The following ATRX variants were observed in gnomAD, a reference collection of about 807,000 sequenced individuals.
ATRX encodes the protein chromatin remodeler ATRX.
A neutral mutation model predicts 172.6 loss-of-function variants in ATRX; 12 were observed. The observed-to-expected ratio is 0.07, with a 90% CI of 0.04 to 0.11. ATRX has a LOEUF of 0.11. ATRX is among the 10% of genes least tolerant of loss of function. The probability of loss-of-function intolerance (pLI) is 1.00; values close to 1 mark genes in which losing one functional copy is unlikely to be tolerated. For synonymous variants in ATRX, 674 were observed against 594.7 expected, an observed-to-expected ratio of 1.13 and a Z score of -1.94; for missense variants, 1,368 against 1,767.4, an observed-to-expected ratio of 0.77 and a Z score of 4.05.
chrX:77,543,096 G>T (rs2064077644), intron 30 of ATRX, among the ~76,000 whole-genome samples: 1 of 111,442 alleles, frequency 9.0e-6, no homozygotes, highest in African/African-American at 3.3e-5. Context: ...AATCTACAAA[G>T]AATTTAAACA....
chrX:77,640,925 A>G (rs1166660423), intron 15 of ATRX, among the ~76,000 whole-genome samples: 3 of 111,583 alleles, frequency 2.7e-5, no homozygotes, highest in Non-Finnish European at 5.6e-5. Context: ...ATGACCAAGA[A>G]GCTGTGAGCT....
At chrX:77,625,825 T>A (rs1334893625) in intron 19 of ATRX, among the ~76,000 whole-genome samples, 1 of 108,745 alleles carries the variant, frequency 9.2e-6, no homozygotes, top group Non-Finnish European at 1.9e-5. Flanking sequence ...TGGAAAACAG[T>A]GTGGAGATTC....
At chrX:77,517,225 C>T (rs1010996139) in intron 34 of ATRX, among the ~76,000 whole-genome samples, 28 of 110,036 alleles carry the variant, frequency 2.5e-4, no homozygotes, top group Non-Finnish European at 5.1e-4. Context: ...AAGATCAGCA[C>T]AGAAATAAAT....
At chrX:77,678,513 G>C (rs1331181967) in intron 9 of ATRX, among the ~76,000 whole-genome samples, 2 of 112,118 alleles carry the variant, frequency 1.8e-5, no homozygotes, top group African/African-American at 6.5e-5. Context: ...TTGAGACGGA[G>C]TCTCGCTCTG....
At chrX:77,535,498 G>A (rs2063718837) in intron 30 of ATRX, among the ~76,000 whole-genome samples, 1 of 111,732 alleles carries the variant, frequency 8.9e-6, no homozygotes, top group South Asian at 3.7e-4. Context: ...GCCACTGTGA[G>A]GTAGAAAGTC....
At chrX:77,664,160 C>A (rs1355944182) in intron 11 of ATRX, among the ~76,000 whole-genome samples, 1 of 111,409 alleles carries the variant, frequency 9.0e-6, no homozygotes, top group Non-Finnish European at 1.9e-5. Flanking sequence ...AGAGTAACTT[C>A]CATAATTATT....
intron 34 of ATRX, among the ~76,000 whole-genome samples, chrX:77,510,823 G>T (rs1014416865): frequency 8.9e-6 from 1 of 112,569 alleles, no homozygotes; most frequent in African/African-American, 3.2e-5. Flanking sequence ...CCAGGCCCTG[G>T]ATCTTAGATA....
intron 2 of ATRX, among the ~76,000 whole-genome samples, chrX:77,700,906 C>G (rs1313405238): frequency 8.9e-6 from 1 of 112,556 alleles, no homozygotes; most frequent in African/African-American, 3.2e-5. Context: ...GAAACAGGCA[C>G]AGCACAGGAA....
At position 77,579,015 on chromosome X, in the gene ATRX, C is replaced by T. The variant is rs188850255; in HGVS notation, c.6218-4657G>A. 4.4e-3 allele frequency among the ~76,000 whole-genome samples: 499 copies of T among 112,149 alleles called. 6 individuals are homozygous for T. The highest frequency in any genetic ancestry group is 0.015 in the African/African-American group (468 of 30,891). On this transcript the variant is annotated intron_variant, in intron 27 of 34. Coordinates refer to ENST00000373344, the MANE Select transcript of ATRX (RefSeq NM_000489.6). ...GGCGGTACACTGGCAGTACTCTCTG[C>T]GGGCCTGTCCTGGTGGTGGCCACGA... is the stretch of plus-strand genomic sequence containing the variant.
chrX:77,649,210 G>C (rs782769216), intron 15 of ATRX, among the ~76,000 whole-genome samples: 7 of 109,669 alleles, frequency 6.4e-5, no homozygotes, highest in Non-Finnish European at 1.1e-4. Context: ...AAGGAAGGGA[G>C]GAAGGAAGGA....
chrX:77,695,424 G>C (rs1397793129), intron 5 of ATRX, among the ~76,000 whole-genome samples: 2 of 111,236 alleles, frequency 1.8e-5, no homozygotes, highest in Admixed American at 9.6e-5. Flanking sequence ...GTTCAGGTTA[G>C]TAACATCATA....
At chrX:77,774,640 G>A (rs1217965994) in intron 1 of ATRX, among the ~76,000 whole-genome samples, 3 of 110,182 alleles carry the variant, frequency 2.7e-5, no homozygotes, top group African/African-American at 9.9e-5. Context: ...TCGCGCCACC[G>A]CACTCCAGCC....
chrX:77,512,672 C>A (rs1364450369), intron 34 of ATRX, among the ~76,000 whole-genome samples: 4 of 111,056 alleles, frequency 3.6e-5, no homozygotes, highest in African/African-American at 1.3e-4. Context: ...AGTTCGAGAC[C>A]AGCCTGGCCA....
rs2148623059 is a variant in ATRX, at chrX:77,683,837, G to C, written c.1419C>G (p.His473Gln). Residue 473 changes from histidine to glutamine, a missense_variant, in exon 9 of 35, where the codon CAC becomes CAG. By Grantham distance (24) the His-to-Gln change is conservative. Coordinates refer to ENST00000373344, the MANE Select transcript of ATRX (RefSeq NM_000489.6). ...CCTCTGTTGGAACATTCTGATGCAT[G>C]TGCTCACTATCTACCTGTTTTCTTG... is the stretch of plus-strand genomic sequence containing the variant. ...KLSRKQVDSEHMHQNVPTEEQ... is the reference protein window; with the variant it reads ...KLSRKQVDSEQMHQNVPTEEQ... The C allele has an allele frequency of 4.1e-6, 5 of 1,210,061 alleles. No individual in the cohort carries two copies. Among genetic ancestry groups the C allele is most frequent in the Non-Finnish European group, 5.6e-6 (5 of 894,125 alleles).
intron 1 of ATRX, among the ~76,000 whole-genome samples, chrX:77,779,190 G>A (rs936176180): frequency 1.1e-4 from 10 of 94,470 alleles, no homozygotes; most frequent in Non-Finnish European, 1.8e-4. Context: ...TGATCCACCC[G>A]CCTCAGCCTC....
intron 9 of ATRX, 65 bp from the exon 10 acceptor site, chrX:77,676,363 A>G (rs2070866162): frequency 9.3e-7 from 1 of 1,076,724 alleles, no homozygotes. Flanking sequence ...ACCATGTAAA[A>G]TAAAACTGAA....
At chrX:77,520,296 C>T (rs1404064150) in intron 34 of ATRX, among the ~76,000 whole-genome samples, 1 of 111,007 alleles carries the variant, frequency 9.0e-6, no homozygotes, top group Admixed American at 9.6e-5. Flanking sequence ...TTAAAAATAA[C>T]TAGAAGAGTA....
intron 27 of ATRX, among the ~76,000 whole-genome samples, chrX:77,584,243 C>T (rs1557075612): frequency 1.8e-5 from 2 of 111,343 alleles, no homozygotes; most frequent in East Asian, 2.8e-4. Flanking sequence ...GTCCATACTA[C>T]CCAAAGCAAT....
At chrX:77,625,786 G>A (rs2067807512) in intron 19 of ATRX, among the ~76,000 whole-genome samples, 1 of 109,440 alleles carries the variant, frequency 9.1e-6, no homozygotes, top group Non-Finnish European at 1.9e-5. Context: ...CTACACTGCT[G>A]GTAGGAATGT....
Sources: allele counts gnomAD v4.1 joint callset (sites outside exome capture counted in the v4.1 genomes callset), GRCh38; gene constraint gnomAD v4.1.1; transcripts MANE v1.5; gene names NCBI Gene and HGNC (gene_info 2026-07-23, HGNC 2026-07-21).